SNTG2: variants seen among roughly 807,000 people sequenced by gnomAD.
SNTG2 encodes the protein gamma-2-syntrophin.
A neutral mutation model predicts 70.9 loss-of-function variants in SNTG2; 74 were observed. That is an observed-to-expected ratio of 1.04 (90% confidence interval 0.86 to 1.27). The LOEUF is 1.27. SNTG2 is among the 50% of genes most tolerant of loss of function. The pLI is 0.00. For synonymous variants in SNTG2, 278 were observed against 273.8 expected (o/e 1.02, Z -0.15); for missense variants, 717 against 690.7 (o/e 1.04, Z -0.43).
chr2:1,114,727 G>A (rs754568457), intron 4 of SNTG2, among the ~76,000 whole-genome samples: 3 of 151,052 alleles, frequency 2.0e-5, no homozygotes, highest in African/African-American at 4.9e-5. Flanking sequence ...GTCCTTTGAG[G>A]AGAATTGTGT....
chr2:1,008,128 A>G (rs1251465645), intron 1 of SNTG2, among the ~76,000 whole-genome samples: 1 of 152,204 alleles, frequency 6.6e-6, no homozygotes, highest in African/African-American at 2.4e-5. Context: ...GCTTGATAAT[A>G]ACTTATATTG....
intron 9 of SNTG2, among the ~76,000 whole-genome samples, chr2:1,220,669 G>T (rs943760388): frequency 6.6e-6 from 1 of 152,230 alleles, no homozygotes; most frequent in Non-Finnish European, 1.5e-5. Context: ...CATGTTGACA[G>T]AAAGAGAATA....
chr2:1,100,355 C>T (rs377714726), intron 4 of SNTG2, among the ~76,000 whole-genome samples: 6 of 152,058 alleles, frequency 3.9e-5, no homozygotes, highest in East Asian at 1.9e-4. Flanking sequence ...TTAGTAGAGG[C>T]GGGGGTCTCG....
chr2:1,321,203 A>T (rs1002892062), intron 16 of SNTG2, among the ~76,000 whole-genome samples: 2 of 152,182 alleles, frequency 1.3e-5, no homozygotes, highest in Non-Finnish European at 2.9e-5. Flanking sequence ...TTAAAATGAG[A>T]TACCTTAATG....
intron 6 of SNTG2, among the ~76,000 whole-genome samples, chr2:1,155,381 G>A (rs996560455): frequency 4.6e-5 from 7 of 151,542 alleles, no homozygotes; most frequent in African/African-American, 1.5e-4. Flanking sequence ...TCACAGACAC[G>A]TGTACACATA....
At chr2:959,672 T>C (rs1203238703) in intron 1 of SNTG2, among the ~76,000 whole-genome samples, 1 of 148,690 alleles carries the variant, frequency 6.7e-6, no homozygotes, top group Non-Finnish European at 1.5e-5. Flanking sequence ...TGTCACAGAA[T>C]TGCATCGTGC....
intron 1 of SNTG2, among the ~76,000 whole-genome samples, chr2:1,029,142 C>T (rs1311722455): frequency 2.0e-5 from 3 of 152,106 alleles, no homozygotes; most frequent in East Asian, 1.9e-4. Flanking sequence ...TATCGAAAAC[C>T]CCAGTTTATT....
At chr2:1,342,059 T>C (rs1420279064) in intron 16 of SNTG2, among the ~76,000 whole-genome samples, 2 of 152,138 alleles carry the variant, frequency 1.3e-5, no homozygotes, top group East Asian at 3.9e-4. Context: ...GGGACTTAGG[T>C]AATTCAGACT....
chr2:1,206,412 G>A (rs1420675599), intron 8 of SNTG2, among the ~76,000 whole-genome samples: 2 of 152,166 alleles, frequency 1.3e-5, no homozygotes, highest in East Asian at 3.9e-4. Flanking sequence ...AAAGAGCTGG[G>A]TGTGCTGGGG....
At chr2:1,224,155 C>G (rs763810435) in intron 9 of SNTG2, among the ~76,000 whole-genome samples, 2 of 152,172 alleles carry the variant, frequency 1.3e-5, no homozygotes, top group Non-Finnish European at 2.9e-5. Context: ...CTCATCACCT[C>G]TCAAAGGCCC....
At chr2:1,035,746 T>C (rs1389716490) in intron 1 of SNTG2, among the ~76,000 whole-genome samples, 1 of 152,242 alleles carries the variant, frequency 6.6e-6, no homozygotes, top group African/African-American at 2.4e-5. Flanking sequence ...GCCTACTTTA[T>C]ATATCTAAAG....
Position 1,253,015 on chromosome 2 carries a change from G to T in SNTG2, c.1005+5572G>T, listed in dbSNP as rs564421432. On this transcript the variant is annotated intron_variant, in intron 12 of 16. Coordinates refer to ENST00000308624, the MANE Select transcript of SNTG2 (RefSeq NM_018968.4). ...AGATCTAAAACAACCTTATGTTAAG[G>T]TTTTAACATCAGTATCTTAAATGTA... is the stretch of plus-strand genomic sequence containing the variant. Among the ~76,000 whole-genome samples the T allele has an allele frequency of 1.3e-3, 200 of 152,236 alleles. 1 individual carries two copies. The South Asian group carries it at 0.014, about 11-fold the overall frequency.
At chr2:1,127,608 GTCA>G (rs557311552) in intron 4 of SNTG2, among the ~76,000 whole-genome samples, 165 of 152,124 alleles carry the variant, frequency 1.1e-3, no homozygotes, top group African/African-American at 3.8e-3. Flanking sequence ...ATTCCTTTGT[GTCA>G]TCATCAATTT....
chr2:1,199,223 A>G (rs901025557), intron 8 of SNTG2, among the ~76,000 whole-genome samples: 7 of 151,616 alleles, frequency 4.6e-5, no homozygotes, highest in African/African-American at 1.7e-4. Flanking sequence ...AAGGACAGTT[A>G]AATATATGCA....
At chr2:1,308,365 T>G in intron 14 of SNTG2, 129 bp from the exon 15 acceptor site, 2 of 784,650 alleles carry the variant, frequency 2.5e-6, no homozygotes, top group Non-Finnish European at 4.1e-6. Flanking sequence ...TCCTGTTTTG[T>G]TCCCCGTAAC....
intron 9 of SNTG2, among the ~76,000 whole-genome samples, chr2:1,220,922 CT>C (rs937567152): frequency 2.7e-4 from 41 of 152,336 alleles, no homozygotes; most frequent in African/African-American, 9.6e-4. Flanking sequence ...GAATGACTAC[CT>C]AAGGTAGCTC....
At chr2:1,110,886 T>C (rs1666398658) in intron 4 of SNTG2, among the ~76,000 whole-genome samples, 1 of 152,248 alleles carries the variant, frequency 6.6e-6, no homozygotes, top group Admixed American at 6.5e-5. Flanking sequence ...TTTAGACGGT[T>C]GAACCTGGAT....
chr2:1,329,080 C>A (rs916609868), intron 16 of SNTG2, among the ~76,000 whole-genome samples: 2 of 152,048 alleles, frequency 1.3e-5, no homozygotes, highest in Non-Finnish European at 1.5e-5. Context: ...AGCAAACATT[C>A]CTGGTTTTTT....
At chr2:1,324,276 C>T (rs1681671849) in intron 16 of SNTG2, among the ~76,000 whole-genome samples, 1 of 152,186 alleles carries the variant, frequency 6.6e-6, no homozygotes, top group African/African-American at 2.4e-5. Context: ...AGCCTTCAGT[C>T]AAGTCTCTGA....
Sources: gnomAD v4.1 joint callset for allele counts (sites outside exome capture counted in the v4.1 genomes callset) on GRCh38, gnomAD v4.1.1 for gene constraint, MANE v1.5 for transcripts, NCBI Gene and HGNC (gene_info 2026-07-23, HGNC 2026-07-21) for gene names.